PMFBP1: variants seen among roughly 807,000 people sequenced by gnomAD.
PMFBP1 encodes polyamine modulated factor 1 binding protein 1.
PMFBP1 carries 131 observed loss-of-function variants against 137.8 expected under a neutral mutation model. The ratio of observed to expected loss-of-function variants is 0.95; its 90% CI spans 0.82 to 1.10. PMFBP1 has a LOEUF of 1.10. PMFBP1 is among the 50% of genes least tolerant of loss of function. The pLI is 0.00. For synonymous variants in PMFBP1, 490 were observed against 450.4 expected (o/e 1.09, Z -1.11); for missense variants, 1,199 against 1,175.4 (o/e 1.02, Z -0.29).
the PMFBP1 span, among the ~76,000 whole-genome samples, chr16:72,240,172 C>T: frequency 4.9e-4 from 74 of 152,212 alleles, no homozygotes; most frequent in African/African-American, 1.6e-3. Context: ...TAGACTGTGG[C>T]GCAGAGAACA....
the PMFBP1 span, among the ~76,000 whole-genome samples, chr16:72,211,651 A>G: frequency 6.6e-6 from 1 of 152,340 alleles, no homozygotes; most frequent in East Asian, 1.9e-4. Context: ...AGAAGATGTT[A>G]TGCAAAGAGA....
the PMFBP1 span, among the ~76,000 whole-genome samples, chr16:72,222,620 G>T: frequency 2.0e-5 from 3 of 152,094 alleles, no homozygotes; most frequent in Non-Finnish European, 4.4e-5. Flanking sequence ...CTATGTAACG[G>T]TGCTGAGGAC....
the PMFBP1 span, among the ~76,000 whole-genome samples, chr16:72,197,381 C>T: frequency 1.3e-5 from 2 of 152,168 alleles, no homozygotes; most frequent in Non-Finnish European, 2.9e-5. Flanking sequence ...AGAAATAATG[C>T]TTTCTTTCTC....
In PMFBP1 at chr16:72,126,242, C is replaced by T. The variant is rs577815870; in HGVS notation, c.2089-110G>A. ...CCAAGCTCTCTCCTGTCTGCAGCAA[C>T]CTGCAGAGTCCGTGTTAACACTCAC... is the stretch of plus-strand genomic sequence containing the variant. On this transcript the variant is annotated intron_variant, in intron 14 of 20. Transcript: ENST00000237353. 803 of 1,176,412 alleles carry T rather than the reference C, an allele frequency of 6.8e-4. 4 individuals carry two copies. The highest frequency in any genetic ancestry group is 2.3e-3 in the South Asian group (154 of 67,822). 72.9% of individuals were successfully genotyped at this position (1,176,412 alleles called of 1,614,324 possible).
upstream of PMFBP1, among the ~76,000 whole-genome samples, chr16:72,175,565 T>C (rs771268389): frequency 6.6e-6 from 1 of 152,206 alleles, no homozygotes; most frequent in Non-Finnish European, 1.5e-5. Flanking sequence ...TTTTCCTTCA[T>C]GGCCTGGATG....
chr16:72,243,992 G>A, the PMFBP1 span, among the ~76,000 whole-genome samples: 2 of 152,138 alleles, frequency 1.3e-5, no homozygotes, highest in East Asian at 3.9e-4. Flanking sequence ...CCAATTTTCA[G>A]TGTTTATAGA....
chr16:72,119,986 T>C lies in PMFBP1; in HGVS notation c.2872A>G (p.Lys958Glu). The C allele has an allele frequency of 6.2e-7, 1 of 1,614,170 alleles. No homozygotes were observed. Among genetic ancestry groups the C allele is most frequent in the Non-Finnish European group, 8.5e-7 (1 of 1,180,018 alleles). The change falls in exon 20 of 21, where the codon AAA becomes GAA. Residue 958 changes from lysine to glutamate, a missense_variant. Transcript: ENST00000237353. The stretch of plus-strand genomic sequence containing the variant: ...TCCGTTCTGCTCGGGCCTAGGGCTT[T>C]GGTGCATAGCCTTGTGTTCTCGGCT... ...MKAENTRLCT[K>E]ALGPSRTEST...
chr16:72,135,630 T>C (rs2042615957), intron 9 of PMFBP1, among the ~76,000 whole-genome samples: 1 of 149,906 alleles, frequency 6.7e-6, no homozygotes, highest in South Asian at 2.1e-4. Flanking sequence ...ATTTCTAGGC[T>C]TTTCCAAGAA....
the PMFBP1 span, among the ~76,000 whole-genome samples, chr16:72,236,491 G>T: frequency 6.6e-6 from 1 of 152,140 alleles, no homozygotes; most frequent in African/African-American, 2.4e-5. Context: ...ATAAAATTGA[G>T]AAATGCCTTT....
the PMFBP1 span, among the ~76,000 whole-genome samples, chr16:72,209,056 G>A: frequency 6.6e-5 from 10 of 152,160 alleles, no homozygotes; most frequent in Non-Finnish European, 1.2e-4. Context: ...ACACACCTCC[G>A]CTCTTAGACA....
the PMFBP1 span, among the ~76,000 whole-genome samples, chr16:72,192,851 G>A: frequency 2.7e-5 from 4 of 149,320 alleles, no homozygotes; most frequent in South Asian, 6.3e-4. Flanking sequence ...GCAGTGAGCC[G>A]AGATCCTGCC....
At chr16:72,127,294 C>T (rs1308418470) in intron 14 of PMFBP1, among the ~76,000 whole-genome samples, 1 of 152,186 alleles carries the variant, frequency 6.6e-6, no homozygotes, top group African/African-American at 2.4e-5. Context: ...ACTTCTGACA[C>T]CATATTTTAC....
chr16:72,195,227 A>G, the PMFBP1 span, among the ~76,000 whole-genome samples: 1 of 152,180 alleles, frequency 6.6e-6, no homozygotes, highest in African/African-American at 2.4e-5. Context: ...TCAATAGGTC[A>G]TCTTTGCACC....
At chr16:72,129,323 G>T in intron 12 of PMFBP1, 90 bp from the exon 13 acceptor site, 1 of 1,402,574 alleles carries the variant, frequency 7.1e-7, no homozygotes, top group Non-Finnish European at 9.6e-7. Flanking sequence ...GGGCATGGCT[G>T]AGATGAAGAA....
the PMFBP1 span, among the ~76,000 whole-genome samples, chr16:72,208,771 T>C: frequency 6.6e-6 from 1 of 152,138 alleles, no homozygotes; most frequent in Non-Finnish European, 1.5e-5. Context: ...TTAAAAGAAA[T>C]ACAGGGAAGT....
the PMFBP1 span, among the ~76,000 whole-genome samples, chr16:72,186,286 G>A: frequency 2.6e-5 from 4 of 152,188 alleles, no homozygotes; most frequent in Non-Finnish European, 4.4e-5. Flanking sequence ...TGAAGTTGCA[G>A]TATGTTCCAA....
At chr16:72,240,606 C>T in the PMFBP1 span, among the ~76,000 whole-genome samples, 2 of 152,150 alleles carry the variant, frequency 1.3e-5, no homozygotes, top group South Asian at 4.1e-4. Flanking sequence ...TTCATTGTGA[C>T]ATCTGTGCTT....
At chr16:72,209,029 G>A in the PMFBP1 span, among the ~76,000 whole-genome samples, 64 of 152,326 alleles carry the variant, frequency 4.2e-4, no homozygotes, top group Non-Finnish European at 4.1e-4. Context: ...TTTCACCAGC[G>A]TGGCTGCCTT....
downstream of PMFBP1, among the ~76,000 whole-genome samples, chr16:72,116,746 A>G: frequency 6.6e-6 from 1 of 152,182 alleles, no homozygotes. Flanking sequence ...GGAAAACTAA[A>G]ACAAAAACTA....
Sources: allele counts gnomAD v4.1 joint callset (sites outside exome capture counted in the v4.1 genomes callset), GRCh38; gene constraint gnomAD v4.1.1; transcripts MANE v1.5; gene names NCBI Gene and HGNC (gene_info 2026-07-23, HGNC 2026-07-21).